Variants in TBC1D14 observed in about 807,000 individuals in gnomAD.
TBC1D14 encodes the protein TBC1 domain family member 14.
Under a neutral mutation model 79.0 loss-of-function variants are expected in TBC1D14, and 26 were observed. The observed-to-expected ratio is 0.33, with a 90% confidence interval of 0.24 to 0.46. The LOEUF (loss-of-function observed/expected upper bound fraction) is 0.46. Among genes scored for constraint, TBC1D14 ranks in the 20% least tolerant of loss-of-function variants. The probability of loss-of-function intolerance (pLI) is 1.00; values close to 1 mark genes in which losing one functional copy is unlikely to be tolerated. For synonymous variants in TBC1D14, 394 were observed against 349.9 expected, an observed-to-expected ratio of 1.13 and a Z score of -1.40; for missense variants, 769 against 887.6, an observed-to-expected ratio of 0.87 and a Z score of 1.70.
chr4:7,000,093 G>A (rs1385365756), intron 6 of TBC1D14, among the ~76,000 whole-genome samples: 1 of 152,202 alleles, frequency 6.6e-6, no homozygotes. Context: ...TATGCTCAGA[G>A]CATGCTTTTT....
chr4:6,910,980 T>C (rs1253380440), intron 1 of TBC1D14, among the ~76,000 whole-genome samples: 1 of 152,162 alleles, frequency 6.6e-6, no homozygotes, highest in Non-Finnish European at 1.5e-5. Flanking sequence ...TCCCCAGTAT[T>C]GTAGGATGTT....
chr4:7,004,714 G>T (rs1329911327), intron 7 of TBC1D14, 130 bp from the exon 8 acceptor site: 2 of 719,438 alleles, frequency 2.8e-6, no homozygotes, highest in African/African-American at 1.8e-5. Context: ...TGTTTAAGTA[G>T]CCTGTTAAGT....
rs79707230 is a variant in TBC1D14, at chr4:7,010,882, C to G, written c.1647+101C>G. ...GGTGGAAAAAAAGAATACATTTTCT[C>G]TCTGTGAAGAGATGTTTAGAGTAAG... On this transcript the variant is annotated intron_variant, in intron 11 of 13. Coordinates refer to ENST00000409757, the MANE Select transcript of TBC1D14 (RefSeq NM_020773.3). 8,403 of 1,399,104 alleles carry G rather than the reference C, an allele frequency of 6.0e-3. 34 individuals are homozygous for G. The highest frequency in any genetic ancestry group is 7.1e-3 in the Non-Finnish European group (7,291 of 1,023,834). 86.7% of individuals were successfully genotyped at this position (1,399,104 alleles called of 1,614,324 possible).
At chr4:6,947,174 AACGTGGTGAG>A (rs1276724728) in intron 2 of TBC1D14, among the ~76,000 whole-genome samples, 6 of 151,576 alleles carry the variant, frequency 4.0e-5, no homozygotes, top group African/African-American at 1.2e-4. Context: ...CAGCCTGGCC[AACGTGGTGAG>A]ACCCCTGTCG....
chr4:6,920,402 G>A (rs1205265007), intron 1 of TBC1D14, among the ~76,000 whole-genome samples: 4 of 152,072 alleles, frequency 2.6e-5, no homozygotes, highest in African/African-American at 7.2e-5. Context: ...AGCCTCTTGA[G>A]TAACTGGGAC....
intron 3 of TBC1D14, among the ~76,000 whole-genome samples, chr4:6,981,551 A>G (rs570894684): frequency 5.3e-5 from 8 of 152,356 alleles, no homozygotes; most frequent in East Asian, 3.9e-4. Flanking sequence ...TTACCCTGCT[A>G]TCAAAACCAG....
At chr4:6,909,736 C>T (rs1722807653), upstream of TBC1D14, 1 of 145,192 alleles carries the variant, frequency 6.9e-6, no homozygotes, top group Admixed American at 6.8e-5. Context: ...GGGCGGGGCG[C>T]AAGTGCGTGG....
chr4:7,005,982 C>T (rs1720156720), intron 8 of TBC1D14, among the ~76,000 whole-genome samples: 1 of 152,312 alleles, frequency 6.6e-6, no homozygotes, highest in Admixed American at 6.5e-5. Context: ...ATCATTTTTA[C>T]AGTCTTTGTG....
At chr4:6,913,204 A>G (rs975756261) in intron 1 of TBC1D14, among the ~76,000 whole-genome samples, 1 of 152,204 alleles carries the variant, frequency 6.6e-6, no homozygotes, top group African/African-American at 2.4e-5. Context: ...TATATTGGCC[A>G]GGCTGGTTTT....
In TBC1D14 at chr4:6,994,302, C is replaced by A; in HGVS notation, c.962C>A (p.Ala321Glu). The A allele has an allele frequency of 6.2e-7, 1 of 1,613,146 alleles. No individual in the cohort carries two copies. ...TTALILEDRP[A>E]NLPAKPAEEA... ...GCACTCATCCTCGAGGACAGACCAG[C>A]GTGAGTTTAAGAAGACTCTCTTTAG... is the stretch of plus-strand genomic sequence containing the variant. The change falls in exon 4 of 14, where the codon GCA (alanine) becomes GAA (glutamate). Residue 321 changes from alanine (A) to glutamate (E), a missense_variant and splice_region_variant. Physicochemically the swap from Ala to Glu is moderately radical, Grantham distance 107. This residue lies in a region of TBC1D14 where 367 missense variants were observed against 494.4 expected (regional missense o/e 0.74). Coordinates refer to ENST00000409757, the MANE Select transcript of TBC1D14 (RefSeq NM_020773.3).
chr4:6,994,400 G>C (rs981749506), intron 4 of TBC1D14, 98 bp downstream of exon 4: 15 of 1,054,682 alleles, frequency 1.4e-5, no homozygotes, highest in Non-Finnish European at 1.6e-5. Flanking sequence ...GTCAGAAAAG[G>C]GGAGAAGAGT....
In TBC1D14 at chr4:7,025,183, C is replaced by T. The variant is rs757532467; in HGVS notation, c.1937C>T (p.Pro646Leu). 6.2e-7 allele frequency: 1 copy of T among 1,614,220 alleles called. No homozygotes were observed. Among genetic ancestry groups the T allele is most frequent in the Non-Finnish European group, 8.5e-7 (1 of 1,180,038 alleles). The change falls in exon 13 of 14, where the codon CCC becomes CTC. Residue 646 changes from proline to leucine, a missense_variant. Around this residue, in one of 2 missense-constraint regions of TBC1D14, gnomAD observed 367 missense variants for 494.4 expected, o/e 0.74. Coordinates refer to ENST00000409757, the MANE Select transcript of TBC1D14 (RefSeq NM_020773.3). The stretch of plus-strand genomic sequence containing the variant: ...ATGGCCCAGTTCCTGACCCGGCTGC[C>T]CGAGGACCTGCCCGCCGAGGAGCTG... ...IHMAQFLTRLPEDLPAEELFA... is the reference protein window; with the variant it reads ...IHMAQFLTRLLEDLPAEELFA...
At chr4:7,021,455 G>A (rs1265737033) in intron 12 of TBC1D14, among the ~76,000 whole-genome samples, 3 of 151,980 alleles carry the variant, frequency 2.0e-5, no homozygotes, top group Admixed American at 1.3e-4. Context: ...AAAATTAGCC[G>A]GTGTGGTGGT....
chr4:7,024,648 C>T (rs2109313881), intron 12 of TBC1D14, among the ~76,000 whole-genome samples: 1 of 152,342 alleles, frequency 6.6e-6, no homozygotes, highest in East Asian at 1.9e-4. Flanking sequence ...GGAGGAGCAC[C>T]TACCGTACGC....
At chr4:6,914,043 G>A (rs1436749930) in intron 1 of TBC1D14, among the ~76,000 whole-genome samples, 1 of 151,958 alleles carries the variant, frequency 6.6e-6, no homozygotes, top group African/African-American at 2.4e-5. Context: ...AGGATGCTGA[G>A]GTGGGAGGCT....
Position 7,010,861 on chromosome 4 carries a change from G to A in TBC1D14, c.1647+80G>A. ...TGCTTACTCGTCTGTGTTTTCGGTG[G>A]AAAAAAAGAATACATTTTCTCTCTG... On this transcript the variant is annotated intron_variant, in intron 11 of 13. Coordinates refer to ENST00000409757, the MANE Select transcript of TBC1D14 (RefSeq NM_020773.3). The A allele has an allele frequency of 3.4e-6, 5 of 1,471,762 alleles. No homozygotes were observed. The Middle Eastern group carries it at 9.0e-4, about 264-fold the overall frequency. 91.2% of individuals were successfully genotyped at this position (1,471,762 alleles called of 1,614,324 possible). A position where few individuals can be genotyped will look rare whatever the true frequency, so the allele number is the denominator to read the frequency against.
At chr4:6,982,503 CTTGA>C (rs1553864743) in intron 3 of TBC1D14, among the ~76,000 whole-genome samples, 1 of 152,170 alleles carries the variant, frequency 6.6e-6, no homozygotes, top group Non-Finnish European at 1.5e-5. Context: ...TGTTTTATAT[CTTGA>C]TTGTCATAAT....
At chr4:6,989,941 A>T (rs1004715420) in intron 3 of TBC1D14, among the ~76,000 whole-genome samples, 2 of 152,220 alleles carry the variant, frequency 1.3e-5, no homozygotes, top group Non-Finnish European at 2.9e-5. Context: ...GGGACTTCGA[A>T]CAACTGTGCT....
intron 6 of TBC1D14, 61 bp from the exon 7 acceptor site, chr4:7,001,084 G>A (rs1474718829): frequency 1.2e-5 from 18 of 1,454,580 alleles, no homozygotes; most frequent in Non-Finnish European, 1.6e-5. Flanking sequence ...GGCTAGGCAC[G>A]CAGGTAGACA....
Sources: gnomAD v4.1 joint callset for allele counts (sites outside exome capture counted in the v4.1 genomes callset) on GRCh38, gnomAD v4.1.1 for gene constraint, gnomAD v4.1.1 regional missense constraint, MANE v1.5 for transcripts, NCBI Gene and HGNC (gene_info 2026-07-23, HGNC 2026-07-21) for gene names.